TSNARE1: variants seen among roughly 807,000 people sequenced by gnomAD.
TSNARE1 encodes the protein t-SNARE domain containing 1.
In TSNARE1, 49 loss-of-function variants were observed where a neutral mutation model predicts 62.0. The observed-to-expected ratio is 0.79, with a 90% CI of 0.63 to 1.00. The LOEUF (loss-of-function observed/expected upper bound fraction) is 1.00, where lower values mean the gene tolerates loss of function less well. Ranked by LOEUF, TSNARE1 falls within the 50% of genes least tolerant of loss-of-function variation. The probability of loss-of-function intolerance (pLI) is 0.00; values close to 1 mark genes in which losing one functional copy is unlikely to be tolerated. For missense variants in TSNARE1, 755 were observed against 700.1 expected (o/e 1.08, Z -0.88); for synonymous variants, 328 against 294.4 (o/e 1.11, Z -1.17).
At position 142,273,799 on chromosome 8, in the gene TSNARE1, C is replaced by T. The variant is rs1563802032; in HGVS notation, c.1446+982G>A. The T allele has an allele frequency of 1.9e-5, 19 of 985,258 alleles. No individual in the cohort carries two copies. In the South Asian group the frequency reaches 3.3e-4, roughly 17 times the overall value. The allele number at this position is 985,258 out of a possible 1,614,324, so 61.0% of individuals were successfully genotyped here. On this transcript the variant is annotated intron_variant, in intron 12 of 13. Transcript: ENST00000524325. ...TCAGGCCCCTGCGTGGTTCCAGCTG[C>T]GGCCCCCTTTTCCTCTTGCACCCCT...
intron 1 of TSNARE1, among the ~76,000 whole-genome samples, chr8:142,382,951 G>A (rs1482370121): frequency 6.6e-6 from 1 of 152,204 alleles, no homozygotes; most frequent in Non-Finnish European, 1.5e-5. Flanking sequence ...CACTGTGCTG[G>A]AAGCACAGCC....
intron 12 of TSNARE1, among the ~76,000 whole-genome samples, chr8:142,246,089 G>C (rs1247118923): frequency 6.6e-6 from 1 of 152,198 alleles, no homozygotes; most frequent in African/African-American, 2.4e-5. Flanking sequence ...TTCCCAGCAG[G>C]AGAGTTCCCC....
At chr8:142,300,449 T>C (rs7822013) in intron 10 of TSNARE1, 37 bp downstream of exon 10, 722,748 of 1,570,654 alleles carry the variant, frequency 0.46, 169,955 homozygotes, top group African/African-American at 0.7. Context: ...TCATGTGGAG[T>C]GTGGAGAGTG....
intron 1 of TSNARE1, among the ~76,000 whole-genome samples, chr8:142,397,669 G>A (rs994598606): frequency 3.3e-5 from 5 of 152,174 alleles, no homozygotes; most frequent in African/African-American, 9.7e-5. Context: ...CCAGGCCAGC[G>A]TGAGTGCCTG....
At chr8:142,399,804 G>A (rs932574689) in intron 1 of TSNARE1, among the ~76,000 whole-genome samples, 9 of 152,196 alleles carry the variant, frequency 5.9e-5, no homozygotes, top group Admixed American at 2.6e-4. Flanking sequence ...CACAATGAAT[G>A]ACAGCTGGAC....
chr8:142,229,358 GGGTGGATGGATAGATGGATGGAT>G (rs1370310563), intron 13 of TSNARE1, 92 bp downstream of exon 13: 1 of 828,716 alleles, frequency 1.2e-6, no homozygotes, highest in Non-Finnish European at 2.0e-6. Context: ...GTGGATAAAT[GGGTGGATGGATAGATGGATGGAT>G]GGTGGATGGT....
chr8:142,260,003 G>T (rs1353252237), intron 12 of TSNARE1, among the ~76,000 whole-genome samples: 1 of 151,856 alleles, frequency 6.6e-6, no homozygotes, highest in Non-Finnish European at 1.5e-5. Context: ...GGCCGCAGAG[G>T]CCCAGGACTC....
chr8:142,282,173 T>C (rs1821606902), intron 11 of TSNARE1, among the ~76,000 whole-genome samples: 1 of 152,156 alleles, frequency 6.6e-6, no homozygotes. Context: ...CAGGACACCA[T>C]GCCCTGGCCA....
intron 2 of TSNARE1, among the ~76,000 whole-genome samples, chr8:142,350,067 GACCAGGGCA>G (rs1833896564): frequency 1.6e-5 from 2 of 122,234 alleles, no homozygotes; most frequent in Non-Finnish European, 3.3e-5. Context: ...GCAGGGCTGG[GACCAGGGCA>G]GGCAGGGCAG....
chr8:142,312,792 C>T (rs988106729), intron 9 of TSNARE1, among the ~76,000 whole-genome samples: 4 of 152,164 alleles, frequency 2.6e-5, no homozygotes, highest in Non-Finnish European at 5.9e-5. Flanking sequence ...TAATTTTTGC[C>T]TCTCCAGCCC....
At chr8:142,372,416 C>T (rs1191274021) in intron 1 of TSNARE1, among the ~76,000 whole-genome samples, 1 of 152,170 alleles carries the variant, frequency 6.6e-6, no homozygotes, top group Non-Finnish European at 1.5e-5. Flanking sequence ...CGGAGTACAA[C>T]CATGAATGTC....
At chr8:142,383,575 C>A (rs554482992) in intron 1 of TSNARE1, among the ~76,000 whole-genome samples, 1 of 152,238 alleles carries the variant, frequency 6.6e-6, no homozygotes, top group South Asian at 2.1e-4. Context: ...TCTTCCCTCT[C>A]CCAGCCTCAA....
At chr8:142,329,778 A>C (rs954843143) in intron 6 of TSNARE1, among the ~76,000 whole-genome samples, 1 of 152,116 alleles carries the variant, frequency 6.6e-6, no homozygotes, top group African/African-American at 2.4e-5. Context: ...CAAATTCCCT[A>C]TCATGAGCCT....
At chr8:142,331,160 C>T (rs1830974410) in intron 5 of TSNARE1, among the ~76,000 whole-genome samples, 190 bp from the exon 6 acceptor site, 1 of 152,246 alleles carries the variant, frequency 6.6e-6, no homozygotes, top group Admixed American at 6.5e-5. Context: ...GTCACGCCCG[C>T]CAGAACCCCT....
chr8:142,244,607 C>T (rs181381118), intron 12 of TSNARE1, among the ~76,000 whole-genome samples: 1 of 152,314 alleles, frequency 6.6e-6, no homozygotes, highest in African/African-American at 2.4e-5. Context: ...TGGAACTTGA[C>T]AAGGTGATTC....
At chr8:142,285,431 G>C (rs983731352) in intron 10 of TSNARE1, among the ~76,000 whole-genome samples, 1 of 136,586 alleles carries the variant, frequency 7.3e-6, no homozygotes, top group Non-Finnish European at 1.6e-5. Flanking sequence ...TGGATGGATG[G>C]ATAGATGTGT....
chr8:142,366,198 G>C, intron 1 of TSNARE1, among the ~76,000 whole-genome samples: 1 of 151,902 alleles, frequency 6.6e-6, no homozygotes, highest in East Asian at 1.9e-4. Context: ...CACCACGCCC[G>C]GCTAATTTTT....
chr8:142,365,089 A>AGGCATCATCTTAATCAAATGATCTAAGTC (rs1835435497), intron 1 of TSNARE1, among the ~76,000 whole-genome samples: 1 of 152,234 alleles, frequency 6.6e-6, no homozygotes, highest in Admixed American at 6.5e-5. Flanking sequence ...GAAGTCTGGT[A>AGGCATCATCTTAATCAAATGATCTAAGTC]GGCATCATCT....
chr8:142,361,552 C>T lies in TSNARE1; in HGVS notation c.-39-6789G>A, dbSNP rs186945626. Among the ~76,000 whole-genome samples the T allele has an allele frequency of 4.6e-5, 7 of 152,316 alleles. No individual in the cohort carries two copies. In the South Asian group the frequency reaches 1.0e-3, roughly 23 times the overall value. On this transcript the variant is annotated intron_variant, in intron 1 of 13. Transcript: ENST00000524325. Reference sequence around the variant, plus strand: ...GGGCACGGGCGACCTGTGGCCTCCACGGTGCCCACCTGCGGACCCAGTGTG... The same window carrying T: ...GGGCACGGGCGACCTGTGGCCTCCATGGTGCCCACCTGCGGACCCAGTGTG...
Sources: allele counts gnomAD v4.1 joint callset (sites outside exome capture counted in the v4.1 genomes callset), GRCh38; gene constraint gnomAD v4.1.1; transcripts MANE v1.5; gene names NCBI Gene and HGNC (gene_info 2026-07-23, HGNC 2026-07-21).